The following IPO5 variants were observed in gnomAD, a reference collection of about 807,000 sequenced individuals.
IPO5 encodes the protein importin 5.
Under a neutral mutation model 143.3 loss-of-function variants are expected in IPO5, and 18 were observed. The observed-to-expected ratio is 0.13, with a 90% confidence interval of 0.09 to 0.19. The LOEUF (loss-of-function observed/expected upper bound fraction) is 0.19. Ranked by LOEUF, IPO5 falls within the 10% of genes least tolerant of loss-of-function variation. The probability of loss-of-function intolerance (pLI) is 1.00; values close to 1 mark genes in which losing one functional copy is unlikely to be tolerated. For synonymous variants in IPO5, 477 were observed against 465.7 expected, an observed-to-expected ratio of 1.02 and a Z score of -0.31; for missense variants, 1,013 against 1,336.9, an observed-to-expected ratio of 0.76 and a Z score of 3.78.
intron 17 of IPO5, among the ~76,000 whole-genome samples, chr13:98,007,793 TG>T (rs1290720174): frequency 6.6e-6 from 1 of 152,254 alleles, no homozygotes; most frequent in African/African-American, 2.4e-5. Flanking sequence ...TTTTACTGCT[TG>T]AAATGCGTAA....
At chr13:98,013,357 A>G (rs1889868364) in intron 21 of IPO5, among the ~76,000 whole-genome samples, 1 of 152,138 alleles carries the variant, frequency 6.6e-6, no homozygotes, top group African/African-American at 2.4e-5. Context: ...TCTCAACATA[A>G]TGATAGCCGT....
At chr13:98,001,917 T>C (rs1407456921) in intron 13 of IPO5, 4 of 148,384 alleles carry the variant, frequency 2.7e-5, no homozygotes, top group Non-Finnish European at 6.0e-5. Flanking sequence ...CCTGGCCTGA[T>C]ACATACTTTT....
chr13:98,014,406 T>C (rs1245986681), intron 22 of IPO5, among the ~76,000 whole-genome samples, 192 bp downstream of exon 22: 1 of 152,128 alleles, frequency 6.6e-6, no homozygotes, highest in African/African-American at 2.4e-5. Flanking sequence ...TCCTTCCAAG[T>C]AGTTGGGATT....
In IPO5 at chr13:97,983,965, C is replaced by CTTTTTTTTTTT. The variant is rs71117684; in HGVS notation, c.171+1403_171+1413dup. The stretch of plus-strand genomic sequence containing the variant: ...TGAAGAACCCTATATAGGGTAACTT[C>CTTTTTTTTTTT]TTTTTTTTTTTTTTTTTTTTTTTTT... On this transcript the variant is annotated intron_variant, in intron 5 of 28. Coordinates refer to ENST00000651721, the MANE Select transcript of IPO5 (RefSeq NM_002271.6). Among the ~76,000 whole-genome samples the CTTTTTTTTTTT allele has an allele frequency of 3.3e-4, 15 of 45,848 alleles. 4 individuals carry two copies. The highest frequency in any genetic ancestry group is 4.3e-4 in the Non-Finnish European group (11 of 25,712). 30.1% of individuals were successfully genotyped at this position (45,848 alleles called of 152,430 possible).
In IPO5 at chr13:98,018,556, T is replaced by C. The variant is rs754908532; in HGVS notation, c.2688T>C (p.Ser896=). The C allele has an allele frequency of 4.3e-6, 7 of 1,614,012 alleles. No homozygotes were observed. In the South Asian group the frequency reaches 7.7e-5, roughly 18 times the overall value. ...CIFDDVIEHC[S]PASFKYAEYF... ...TTGATGATGTCATAGAACACTGTAG[T>C]CCAGCCTCATTTAAATACGCAGAAT... Residue 896 remains serine, a synonymous_variant, in exon 26 of 29, where the codon AGT becomes AGC. Coordinates refer to ENST00000651721, the MANE Select transcript of IPO5 (RefSeq NM_002271.6).
chr13:97,978,290 T>A (rs1038992093), intron 4 of IPO5, among the ~76,000 whole-genome samples: 2 of 152,216 alleles, frequency 1.3e-5, no homozygotes, highest in Non-Finnish European at 2.9e-5. Context: ...GCAACTTGAA[T>A]TTTTCACTCT....
intron 20 of IPO5, among the ~76,000 whole-genome samples, chr13:98,011,623 C>T (rs540919049): frequency 4.2e-4 from 63 of 150,882 alleles, no homozygotes; most frequent in African/African-American, 1.3e-3. Context: ...TCTCCTGCCT[C>T]AGCCTCCCAA....
At position 98,006,237 on chromosome 13, in the gene IPO5, G is replaced by A. The variant is rs1263679149; in HGVS notation, c.1605G>A (p.Met535Ile). The A allele has an allele frequency of 3.1e-6, 5 of 1,613,394 alleles. No individual in the cohort carries two copies. Among genetic ancestry groups the A allele is most frequent in the Non-Finnish European group, 4.2e-6 (5 of 1,179,648 alleles). The change falls in exon 17 of 29, where the codon ATG becomes ATA. Residue 535 changes from methionine (M) to isoleucine (I), a missense_variant. Physicochemically the swap from Met to Ile is conservative, Grantham distance 10. Around this residue, in one of 2 missense-constraint regions of IPO5, gnomAD observed 685 missense variants for 994.9 expected, o/e 0.69. Transcript: ENST00000651721. Reference sequence around the variant, plus strand: ...TTGTCCCCTACTATGATTTATTTATGCCATCACTGAAGCACATCGTTGAGA... The same window carrying A: ...TTGTCCCCTACTATGATTTATTTATACCATCACTGAAGCACATCGTTGAGA... ...EKFVPYYDLF[M>I]PSLKHIVENA... is the part of the protein sequence containing the mutation.
At chr13:98,020,862 T>C in intron 27 of IPO5, 130 bp from the exon 28 acceptor site, 1 of 659,318 alleles carries the variant, frequency 1.5e-6, no homozygotes, top group East Asian at 3.1e-5. Flanking sequence ...AGAAAGAAAC[T>C]AAAGAGTTCA....
rs368235331 is a variant in IPO5 at position 97,992,875 on chromosome 13, T to C, written c.670-17T>C. Reference sequence around the variant, plus strand: ...AAGTGAATCTTCAGCACCGACTTTCTGTTTCATCTTTTCTAGGCGGTAAAT... The same window carrying C: ...AAGTGAATCTTCAGCACCGACTTTCCGTTTCATCTTTTCTAGGCGGTAAAT... On this transcript the variant is annotated splice_polypyrimidine_tract_variant and intron_variant, in intron 9 of 28. Coordinates refer to ENST00000651721, the MANE Select transcript of IPO5 (RefSeq NM_002271.6). 2.2e-5 allele frequency: 35 copies of C among 1,596,348 alleles called. No homozygotes were observed. The African/African-American group carries it at 4.0e-4, about 18-fold the overall frequency.
rs2139870281 is a variant in IPO5, at chr13:98,018,481, G to A, written c.2617-4G>A. On this transcript the variant is annotated splice_polypyrimidine_tract_variant and splice_region_variant and intron_variant, in intron 25 of 28. Coordinates refer to ENST00000651721, the MANE Select transcript of IPO5 (RefSeq NM_002271.6). ...TGAAGCTTAAAAGAGAATTTCTTTTGTAGTGTCCACATAGACCATGGCCAG... is the reference window on the plus strand; with the variant it reads ...TGAAGCTTAAAAGAGAATTTCTTTTATAGTGTCCACATAGACCATGGCCAG... 1 of 1,605,352 alleles carries A rather than the reference G, an allele frequency of 6.2e-7. No homozygotes were observed. Among genetic ancestry groups the A allele is most frequent in the Non-Finnish European group, 8.5e-7 (1 of 1,172,834 alleles).
chr13:97,985,692 G>A, intron 6 of IPO5, 79 bp downstream of exon 6: 1 of 951,572 alleles, frequency 1.1e-6, no homozygotes, highest in South Asian at 1.5e-5. Flanking sequence ...GAATCTTTTA[G>A]AGTAAGATTC....
intron 3 of IPO5, among the ~76,000 whole-genome samples, chr13:97,974,568 C>T (rs550153271): frequency 8.6e-5 from 13 of 152,002 alleles, no homozygotes; most frequent in African/African-American, 2.7e-4. Flanking sequence ...CCTCGGCCCC[C>T]CAAAGTGCTG....
At position 97,994,021 on chromosome 13, in the gene IPO5, CAA is replaced by C. The variant is rs1486920124; in HGVS notation, c.913+797_913+798del. Reference sequence around the variant, plus strand: ...AAAAATAAGTTATAAGCATTAGAAACAATGGCTGGGTGCAGTGGCTCATGCCT... The same window carrying C: ...AAAAATAAGTTATAAGCATTAGAAACTGGCTGGGTGCAGTGGCTCATGCCT... On this transcript the variant is annotated intron_variant, in intron 11 of 28. Transcript: ENST00000651721. 2.0e-5 allele frequency among the ~76,000 whole-genome samples: 3 copies of C among 152,206 alleles called. No homozygotes were observed. The East Asian group carries it at 5.8e-4, about 29-fold the overall frequency.
chr13:97,997,421 T>C (rs1888387743), intron 11 of IPO5, 110 bp from the exon 12 acceptor site: 1 of 497,400 alleles, frequency 2.0e-6, no homozygotes, highest in African/African-American at 2.0e-5. Context: ...ATAATTGTTT[T>C]GTCTTGTTCT....
At chr13:97,975,308 G>A (rs879409227) in intron 3 of IPO5, among the ~76,000 whole-genome samples, 39 of 152,126 alleles carry the variant, frequency 2.6e-4, no homozygotes, top group Non-Finnish European at 4.9e-4. Context: ...GGCCAACTTG[G>A]TGAAACCCCG....
intron 8 of IPO5, 73 bp downstream of exon 8, chr13:97,990,295 A>C (rs1887701252): frequency 8.3e-7 from 1 of 1,207,634 alleles, no homozygotes; most frequent in South Asian, 1.3e-5. Context: ...GTATATTAGG[A>C]GGTTGTTTTC....
intron 6 of IPO5, chr13:97,987,913 T>C (rs965414382): frequency 4.7e-5 from 11 of 234,550 alleles, no homozygotes; most frequent in East Asian, 1.1e-4. Flanking sequence ...CACTTAACAA[T>C]GCAAACCTTT....
At chr13:97,983,162 C>T (rs1404611574) in intron 5 of IPO5, among the ~76,000 whole-genome samples, 1 of 152,216 alleles carries the variant, frequency 6.6e-6, no homozygotes, top group African/African-American at 2.4e-5. Context: ...TGAGCCGCCA[C>T]GCCCAGCCTA....
Sources: gnomAD v4.1 joint callset for allele counts (sites outside exome capture counted in the v4.1 genomes callset) on GRCh38, gnomAD v4.1.1 for gene constraint, gnomAD v4.1.1 regional missense constraint, MANE v1.5 for transcripts, NCBI Gene and HGNC (gene_info 2026-07-23, HGNC 2026-07-21) for gene names.